The following NAV2 variants were observed in gnomAD, a reference collection of about 807,000 sequenced individuals.
NAV2 encodes neuron navigator 2.
Under a neutral mutation model 223.2 loss-of-function variants are expected in NAV2, and 54 were observed. That is an observed-to-expected ratio of 0.24 (90% CI 0.19 to 0.30). NAV2 has a LOEUF of 0.30. Among genes scored for constraint, NAV2 ranks in the 10% least tolerant of loss-of-function variants. NAV2 has a pLI of 1.00. For synonymous variants in NAV2, 1,279 were observed against 1,239.3 expected (o/e 1.03, Z -0.67); for missense variants, 2,806 against 3,147.5 (o/e 0.89, Z 2.60).
At position 19,740,672 on chromosome 11, in the gene NAV2, A is replaced by C. The variant is rs144900876; in HGVS notation, c.267+26710A>C. ...GAGTACAATGGGGGAATTGAACTAG[A>C]AACAATACTTCCTTTGGTAGCCCAG... On this transcript the variant is annotated intron_variant, in intron 1 of 37. Coordinates refer to ENST00000349880, the MANE Select transcript of NAV2 (RefSeq NM_145117.5). Among the ~76,000 whole-genome samples the C allele has an allele frequency of 8.4e-4, 128 of 152,366 alleles. No individual in the cohort carries two copies. The Middle Eastern group carries it at 0.01, about 12-fold the overall frequency.
intron 1 of NAV2, among the ~76,000 whole-genome samples, chr11:19,682,126 C>A (rs1164899054): frequency 6.6e-6 from 1 of 152,164 alleles, no homozygotes; most frequent in African/African-American, 2.4e-5. Flanking sequence ...TACCCACATA[C>A]AACATACTCA....
intron 1 of NAV2, among the ~76,000 whole-genome samples, chr11:19,703,723 T>A (rs1244584627): frequency 6.6e-6 from 1 of 152,200 alleles, no homozygotes; most frequent in Admixed American, 6.5e-5. Context: ...GCCTCAGTAA[T>A]CCCCCACTGT....
chr11:20,084,343 C>T (rs928320935), intron 26 of NAV2, among the ~76,000 whole-genome samples: 3 of 152,206 alleles, frequency 2.0e-5, no homozygotes, highest in Non-Finnish European at 4.4e-5. Flanking sequence ...GGTGATCCAC[C>T]TGCTTCAGCC....
At chr11:19,588,594 A>G (rs1206598068) in intron 1 of NAV2, among the ~76,000 whole-genome samples, 1 of 152,230 alleles carries the variant, frequency 6.6e-6, no homozygotes, top group African/African-American at 2.4e-5. Flanking sequence ...TGAGGTTCAA[A>G]CAGAAGAAGT....
At chr11:20,094,534 C>G (rs573095883) in intron 29 of NAV2, among the ~76,000 whole-genome samples, 4 of 152,098 alleles carry the variant, frequency 2.6e-5, no homozygotes, top group Non-Finnish European at 5.9e-5. Flanking sequence ...GGCTGGGAAA[C>G]TCATTCTTAC....
At chr11:19,742,235 G>A (rs936755108) in intron 1 of NAV2, among the ~76,000 whole-genome samples, 2 of 152,114 alleles carry the variant, frequency 1.3e-5, no homozygotes, top group Non-Finnish European at 2.9e-5. Context: ...TCAAATACTG[G>A]CTCTACCACT....
At chr11:19,734,485 C>G (rs2052096222) in intron 1 of NAV2, among the ~76,000 whole-genome samples, 1 of 152,202 alleles carries the variant, frequency 6.6e-6, no homozygotes. Context: ...CCCAGGGTCT[C>G]TTTTCCTACA....
chr11:19,950,109 C>T (rs1443213967), intron 10 of NAV2, among the ~76,000 whole-genome samples: 1 of 152,184 alleles, frequency 6.6e-6, no homozygotes, highest in Non-Finnish European at 1.5e-5. Context: ...GTTAACATGA[C>T]TTGCCCAGAA....
At chr11:19,689,763 G>A (rs1415713512) in intron 1 of NAV2, among the ~76,000 whole-genome samples, 1 of 152,220 alleles carries the variant, frequency 6.6e-6, no homozygotes, top group Non-Finnish European at 1.5e-5. Context: ...CAAAGCATGT[G>A]TTTGCAGGGT....
intron 1 of NAV2, among the ~76,000 whole-genome samples, chr11:19,562,749 T>G (rs904500629): frequency 1.3e-5 from 2 of 152,190 alleles, no homozygotes; most frequent in Non-Finnish European, 2.9e-5. Context: ...GCAATAGTTC[T>G]CAGGTCAGAG....
At chr11:19,484,154 A>ACACACACACG (rs1267708768) in intron 1 of NAV2, among the ~76,000 whole-genome samples, 6 of 151,658 alleles carry the variant, frequency 4.0e-5, no homozygotes, top group Admixed American at 6.6e-5. Context: ...ACACACACAC[A>ACACACACACG]CACACCCCAA....
chr11:19,926,511 A>T (rs1447728381), intron 6 of NAV2, among the ~76,000 whole-genome samples: 1 of 152,132 alleles, frequency 6.6e-6, no homozygotes, highest in Non-Finnish European at 1.5e-5. Context: ...AACCTTGCAG[A>T]ACCTCTAAGT....
At chr11:19,908,683 C>CGG (rs1223118888) in intron 6 of NAV2, among the ~76,000 whole-genome samples, 17 of 152,178 alleles carry the variant, frequency 1.1e-4, no homozygotes, top group Admixed American at 1.0e-3. Context: ...TATTTGACAG[C>CGG]ACAGCTCTAG....
At chr11:19,517,636 C>A (rs115318981) in intron 1 of NAV2, among the ~76,000 whole-genome samples, 2,147 of 152,286 alleles carry the variant, frequency 0.014, 53 homozygotes, top group African/African-American at 0.049. Flanking sequence ...GCAGACTAGG[C>A]TCTTGGCCAG....
chr11:20,068,161 A>G (rs111771679), intron 20 of NAV2, 25 bp from the exon 21 acceptor site: 1 of 1,612,184 alleles, frequency 6.2e-7, no homozygotes, highest in Admixed American at 1.7e-5. Flanking sequence ...TAACTGGTCT[A>G]ATTTCCTTTA....
chr11:19,948,853 T>C lies in NAV2; in HGVS notation c.2418T>C (p.Pro806=), dbSNP rs758029624. The change falls in exon 10 of 38, where the codon CCT becomes CCC. Residue 806 remains proline (P), a synonymous_variant. Transcript: ENST00000349880. The part of the protein sequence containing the change: ...DAPSMGNGYP[P]RANASRFINT... Reference sequence around the variant, plus strand: ...CCTCAATGGGCAATGGGTATCCCCCTCGAGCCAACGCCAGCAGGTTCATCA... The same window carrying C: ...CCTCAATGGGCAATGGGTATCCCCCCCGAGCCAACGCCAGCAGGTTCATCA... 6.2e-7 allele frequency: 1 copy of C among 1,614,006 alleles called. No homozygotes were observed. The highest frequency in any genetic ancestry group is 1.7e-5 in the Admixed American group (1 of 60,014).
At chr11:19,568,406 G>A (rs1358532798) in intron 1 of NAV2, among the ~76,000 whole-genome samples, 3 of 152,314 alleles carry the variant, frequency 2.0e-5, no homozygotes, top group Non-Finnish European at 4.4e-5. Flanking sequence ...ATTCACACTC[G>A]AGGAAGGACA....
chr11:19,545,525 C>T (rs188090865), intron 1 of NAV2, among the ~76,000 whole-genome samples: 1 of 152,204 alleles, frequency 6.6e-6, no homozygotes, highest in East Asian at 1.9e-4. Flanking sequence ...TGGCATGGCG[C>T]AAATGGGAGT....
At chr11:19,398,789 C>T (rs557874462) in intron 1 of NAV2, among the ~76,000 whole-genome samples, 3 of 152,304 alleles carry the variant, frequency 2.0e-5, no homozygotes, top group African/African-American at 7.2e-5. Flanking sequence ...AGCAGCCTGC[C>T]CTGCTGGGGA....
Sources: gnomAD v4.1 joint callset for allele counts (sites outside exome capture counted in the v4.1 genomes callset) on GRCh38, gnomAD v4.1.1 for gene constraint, MANE v1.5 for transcripts, NCBI Gene and HGNC (gene_info 2026-07-23, HGNC 2026-07-21) for gene names.